OSBPL10: variants seen among roughly 807,000 people sequenced by gnomAD.
The protein encoded by OSBPL10 is oxysterol-binding protein-related protein 10.
A neutral mutation model predicts 81.7 loss-of-function variants in OSBPL10; 49 were observed. The observed-to-expected ratio is 0.60, with a 90% CI of 0.48 to 0.76. The LOEUF is 0.76. Ranked by LOEUF, OSBPL10 falls within the 30% of genes least tolerant of loss-of-function variation. The pLI is 0.00. For missense variants in OSBPL10, 923 were observed against 987.8 expected, an observed-to-expected ratio of 0.93 and a Z score of 0.88; for synonymous variants, 419 against 383.6, an observed-to-expected ratio of 1.09 and a Z score of -1.08.
intron 4 of OSBPL10, among the ~76,000 whole-genome samples, chr3:31,782,612 C>T (rs762795242): frequency 2.0e-5 from 3 of 152,070 alleles, no homozygotes; most frequent in Non-Finnish European, 2.9e-5. Context: ...CAAATAATCC[C>T]ATCAAAAAGT....
At chr3:31,687,481 A>T (rs1355971648) in intron 7 of OSBPL10, among the ~76,000 whole-genome samples, 1 of 152,042 alleles carries the variant, frequency 6.6e-6, no homozygotes, top group African/African-American at 2.4e-5. Flanking sequence ...AAAAAAAAAT[A>T]AGTAAATAAA....
intron 6 of OSBPL10, among the ~76,000 whole-genome samples, chr3:31,715,949 C>T (rs1177019882): frequency 1.3e-5 from 2 of 152,220 alleles, no homozygotes; most frequent in Non-Finnish European, 2.9e-5. Context: ...GACTGCCTTG[C>T]TTTTCCCACA....
chr3:31,846,833 A>C (rs1700646498), intron 3 of OSBPL10, among the ~76,000 whole-genome samples: 2 of 151,882 alleles, frequency 1.3e-5, no homozygotes, highest in South Asian at 2.1e-4. Context: ...GGGATGAAAA[A>C]CCATGCGAAT....
intron 1 of OSBPL10, among the ~76,000 whole-genome samples, chr3:31,950,635 A>G (rs963746860): frequency 8.5e-5 from 13 of 152,212 alleles, no homozygotes; most frequent in Non-Finnish European, 1.6e-4. Flanking sequence ...TCAGGCTGAA[A>G]TGTGATCCCC....
chr3:32,010,083 A>G (rs374445468), intron 2 of OSBPL10, among the ~76,000 whole-genome samples: 2 of 152,166 alleles, frequency 1.3e-5, no homozygotes, highest in Non-Finnish European at 2.9e-5. Flanking sequence ...TTGTATTCTC[A>G]TAAGAAGAGT....
intron 6 of OSBPL10, among the ~76,000 whole-genome samples, chr3:31,703,251 G>T (rs1316822779): frequency 6.6e-6 from 1 of 152,130 alleles, no homozygotes; most frequent in African/African-American, 2.4e-5. Flanking sequence ...CAGTATCCAA[G>T]TATTAAGGAC....
At chr3:31,990,309 T>G in intron 2 of OSBPL10, 2 of 1,614,080 alleles carry the variant, frequency 1.2e-6, no homozygotes, top group Non-Finnish European at 1.7e-6. Context: ...TCAGTAATGC[T>G]ACAACCATTG....
At chr3:31,953,074 G>T (rs542515089) in intron 1 of OSBPL10, among the ~76,000 whole-genome samples, 4 of 151,756 alleles carry the variant, frequency 2.6e-5, no homozygotes, top group Non-Finnish European at 5.9e-5. Flanking sequence ...TGGGATTACA[G>T]GCGCCCACCA....
At chr3:32,041,827 T>C (rs973386192) in intron 2 of OSBPL10, among the ~76,000 whole-genome samples, 2 of 152,060 alleles carry the variant, frequency 1.3e-5, no homozygotes, top group African/African-American at 4.8e-5. Flanking sequence ...CCAGCTAATT[T>C]TTTGTATTTT....
In OSBPL10 at chr3:31,980,994, G is replaced by A. The variant is rs1698823960; in HGVS notation, c.186C>T (p.Ala62=). 2.0e-6 allele frequency: 3 copies of A among 1,530,596 alleles called. No homozygotes were observed. The highest frequency in any genetic ancestry group is 2.4e-5 in the South Asian group (2 of 82,360). The allele number at this position is 1,530,596 out of a possible 1,614,324, so 94.8% of individuals were successfully genotyped here. A position where few individuals can be genotyped will look rare whatever the true frequency, so the allele number is the denominator to read the frequency against. The part of the protein sequence containing the change: ...GGSRSSPGSV[A]ASPSGGGGRR... ...GGCCGCCTCCCCCGGACGGGCTAGC[G>A]GCCACAGAGCCCGGGCTGCTGCGGC... The change falls in exon 1 of 12, where the codon GCC becomes GCT. Residue 62 remains alanine, a synonymous_variant. Transcript: ENST00000396556.
intron 7 of OSBPL10, chr3:31,700,399 G>A (rs1363740572): frequency 1.3e-5 from 2 of 151,870 alleles, no homozygotes; most frequent in Non-Finnish European, 2.9e-5. Flanking sequence ...ATATTTTCTT[G>A]CTTCTCCATA....
Position 31,754,080 on chromosome 3 carries a change from T to A in OSBPL10, c.730-5960A>T, listed in dbSNP as rs532083456. Among the ~76,000 whole-genome samples, 4 of 152,298 alleles carry A rather than the reference T, an allele frequency of 2.6e-5. No individual in the cohort carries two copies. In the East Asian group the frequency reaches 5.8e-4, roughly 22 times the overall value. ...CAATGAGCTGCCGACTTTTTCTACC[T>A]GACATTCTACCTTCGCCCTTTAATT... On this transcript the variant is annotated intron_variant, in intron 4 of 11. Transcript: ENST00000396556.
At chr3:31,757,498 T>C (rs1697922852) in intron 4 of OSBPL10, among the ~76,000 whole-genome samples, 1 of 152,196 alleles carries the variant, frequency 6.6e-6, no homozygotes, top group African/African-American at 2.4e-5. Flanking sequence ...AATGACTTGA[T>C]TTTGGACTTC....
At chr3:31,760,100 A>G (rs1457713993) in intron 4 of OSBPL10, among the ~76,000 whole-genome samples, 1 of 152,146 alleles carries the variant, frequency 6.6e-6, no homozygotes, top group Non-Finnish European at 1.5e-5. Flanking sequence ...AAGAGAAAAT[A>G]TATTTACTAT....
chr3:32,051,872 T>G (rs1244854957), intron 1 of OSBPL10, among the ~76,000 whole-genome samples: 1 of 152,214 alleles, frequency 6.6e-6, no homozygotes, highest in Non-Finnish European at 1.5e-5. Flanking sequence ...TTAATTCAAA[T>G]GTTTTGTCAG....
At chr3:31,789,222 CTAGGA>C (rs1188106549) in intron 4 of OSBPL10, among the ~76,000 whole-genome samples, 1 of 152,176 alleles carries the variant, frequency 6.6e-6, no homozygotes, top group Non-Finnish European at 1.5e-5. Flanking sequence ...CCATGTCCGG[CTAGGA>C]TGTTTATTTC....
At chr3:32,021,483 T>C (rs538903701) in intron 2 of OSBPL10, among the ~76,000 whole-genome samples, 117 of 152,220 alleles carry the variant, frequency 7.7e-4, no homozygotes, top group Non-Finnish European at 1.4e-3. Context: ...GTTTCTCCAC[T>C]CCCTTACGCT....
intron 3 of OSBPL10, among the ~76,000 whole-genome samples, chr3:31,834,416 T>C (rs1177168008): frequency 6.6e-6 from 1 of 152,214 alleles, no homozygotes; most frequent in African/African-American, 2.4e-5. Context: ...CTACTCCTTA[T>C]GTCCCCTTGC....
At chr3:32,075,537 A>T (rs963938643) in intron 1 of OSBPL10, among the ~76,000 whole-genome samples, 2 of 152,176 alleles carry the variant, frequency 1.3e-5, no homozygotes, top group African/African-American at 4.8e-5. Flanking sequence ...GGCCATCACC[A>T]ATAATTCTAT....
Sources: allele counts gnomAD v4.1 joint callset (sites outside exome capture counted in the v4.1 genomes callset), GRCh38; gene constraint gnomAD v4.1.1; transcripts MANE v1.5; gene names NCBI Gene and HGNC (gene_info 2026-07-23, HGNC 2026-07-21).